Variants in PCED1B observed in about 807,000 individuals in gnomAD.
PCED1B encodes PC-esterase domain-containing protein 1B.
For missense variants in PCED1B, 573 were observed against 573.9 expected (o/e 1.00, Z 0.02); for synonymous variants, 251 against 246.1 (o/e 1.02, Z -0.19).
chr12:47,198,541 C>G (rs1283117233), intron 2 of PCED1B, among the ~76,000 whole-genome samples: 2 of 151,896 alleles, frequency 1.3e-5, no homozygotes, highest in Admixed American at 1.3e-4. Context: ...CAGCATTGTA[C>G]TGGAAGCCCT....
intron 2 of PCED1B, among the ~76,000 whole-genome samples, chr12:47,162,125 G>A (rs190006788): frequency 1.4e-4 from 21 of 151,704 alleles, no homozygotes; most frequent in Non-Finnish European, 2.4e-4. Context: ...GGGTGGTGGG[G>A]GGGGGAAGGA....
chr12:47,087,032 A>G (rs1470710781), intron 1 of PCED1B, among the ~76,000 whole-genome samples: 1 of 152,252 alleles, frequency 6.6e-6, no homozygotes, highest in East Asian at 1.9e-4. Flanking sequence ...TCTCTCCATT[A>G]TACAGTCAGC....
chr12:47,152,971 A>C (rs1941051350), intron 2 of PCED1B, among the ~76,000 whole-genome samples: 1 of 152,120 alleles, frequency 6.6e-6, no homozygotes, highest in Non-Finnish European at 1.5e-5. Flanking sequence ...GCTGACAGTT[A>C]GTAAAAGTTA....
chr12:47,132,416 A>G (rs568907754), intron 2 of PCED1B, among the ~76,000 whole-genome samples: 1 of 152,262 alleles, frequency 6.6e-6, no homozygotes, highest in South Asian at 2.1e-4. Context: ...CTCTGCAACA[A>G]ATACCCCTGT....
At chr12:47,170,189 G>A (rs1941679527) in intron 2 of PCED1B, among the ~76,000 whole-genome samples, 1 of 152,102 alleles carries the variant, frequency 6.6e-6, no homozygotes, top group Admixed American at 6.6e-5. Flanking sequence ...CACAGCACAT[G>A]TTTCAGAGAG....
At chr12:47,215,396 G>A (rs1056026997) in intron 2 of PCED1B, among the ~76,000 whole-genome samples, 1 of 151,954 alleles carries the variant, frequency 6.6e-6, no homozygotes, top group Admixed American at 6.6e-5. Flanking sequence ...TGGGATTACA[G>A]GGGCCCACCA....
chr12:47,095,932 C>T (rs1038336587), intron 1 of PCED1B, among the ~76,000 whole-genome samples: 1 of 151,916 alleles, frequency 6.6e-6, no homozygotes, highest in Non-Finnish European at 1.5e-5. Flanking sequence ...TTTACTCTGT[C>T]TCAGGTACTT....
chr12:47,214,374 T>C (rs1419607074), intron 2 of PCED1B, among the ~76,000 whole-genome samples: 1 of 152,226 alleles, frequency 6.6e-6, no homozygotes, highest in African/African-American at 2.4e-5. Flanking sequence ...GAGCATGTAA[T>C]TCAGGACTGT....
chr12:47,154,241 C>G (rs2137468170), intron 2 of PCED1B, among the ~76,000 whole-genome samples: 1 of 152,268 alleles, frequency 6.6e-6, no homozygotes, highest in South Asian at 2.1e-4. Flanking sequence ...TTTTAAGTTA[C>G]CACAAGTATT....
At chr12:47,184,310 G>C (rs1942187030) in intron 2 of PCED1B, among the ~76,000 whole-genome samples, 2 of 152,178 alleles carry the variant, frequency 1.3e-5, no homozygotes, top group South Asian at 4.1e-4. Flanking sequence ...TGGTGTGCTG[G>C]TAAACGACCA....
intron 3 of PCED1B, among the ~76,000 whole-genome samples, chr12:47,224,703 T>G (rs140243962): frequency 1.9e-4 from 29 of 152,290 alleles, no homozygotes; most frequent in African/African-American, 7.0e-4. Flanking sequence ...ATGGCGTGGT[T>G]TCATGATGCG....
At chr12:47,172,971 A>T (rs563189713) in intron 2 of PCED1B, among the ~76,000 whole-genome samples, 13 of 152,190 alleles carry the variant, frequency 8.5e-5, no homozygotes, top group Non-Finnish European at 1.2e-4. Context: ...TTTTTGAGAG[A>T]CAAGTTGTTG....
At position 47,236,104 on chromosome 12, in the gene PCED1B, T is replaced by G. The variant is rs1592336551; in HGVS notation, c.1041T>G (p.Thr347=). ...ATGCCTGTTTTTCCTCAGACCATAC[T>G]TTCCAGTCGGATCAATTCTATTGCC... ...PPDACFSSDH[T]FQSDQFYCHS... Residue 347 remains threonine (T), a synonymous_variant, in exon 4 of 4, where the codon ACT becomes ACG. Coordinates refer to ENST00000546455, the MANE Select transcript of PCED1B (RefSeq NM_138371.3). The G allele has an allele frequency of 6.2e-7, 1 of 1,614,128 alleles. No individual in the cohort carries two copies. Among genetic ancestry groups the G allele is most frequent in the East Asian group, 2.2e-5 (1 of 44,870 alleles).
chr12:47,207,899 G>T (rs1345792323), intron 2 of PCED1B, among the ~76,000 whole-genome samples: 2 of 152,206 alleles, frequency 1.3e-5, no homozygotes, highest in Admixed American at 6.5e-5. Flanking sequence ...ATGACAGGCA[G>T]AGGTTACAGA....
chr12:47,235,048 G>C lies in PCED1B; in HGVS notation c.-16G>C. 1 of 1,521,382 alleles carries C rather than the reference G, an allele frequency of 6.6e-7. No homozygotes were observed. Among genetic ancestry groups the C allele is most frequent in the Non-Finnish European group, 8.8e-7 (1 of 1,136,632 alleles). The allele number at this position is 1,521,382 out of a possible 1,614,324, so 94.2% of individuals were successfully genotyped here. A position where few individuals can be genotyped will look rare whatever the true frequency, so the allele number is the denominator to read the frequency against. ...CCTGTGCAAAGGAAGGAGCTAGGCT[G>C]TGCGCCCTGGGCGTCATGATCCTTC... On this transcript the variant is annotated 5_prime_UTR_variant, in exon 4 of 4. Transcript: ENST00000546455.
At chr12:47,232,907 T>C (rs1943851899) in intron 3 of PCED1B, among the ~76,000 whole-genome samples, 1 of 77,642 alleles carries the variant, frequency 1.3e-5, no homozygotes. Flanking sequence ...CCTAGAAATT[T>C]TATTTATTTA....
Position 47,235,734 on chromosome 12 carries a change from A to C in PCED1B, c.671A>C (p.Asn224Thr). The change falls in exon 4 of 4, where the codon AAC (asparagine) becomes ACC (threonine). Residue 224 changes from asparagine to threonine, a missense_variant. Asn to Thr is a moderately conservative substitution (Grantham distance 65). Transcript: ENST00000546455. ...LHFHFRHARE[N>T]LHWDGVHWNG... The stretch of plus-strand genomic sequence containing the variant: ...TTCCACTTCCGCCACGCGAGGGAGA[A>C]CCTGCACTGGGACGGGGTGCACTGG... 9.9e-6 allele frequency: 16 copies of C among 1,608,680 alleles called. No individual in the cohort carries two copies. The highest frequency in any genetic ancestry group is 1.4e-5 in the Non-Finnish European group (16 of 1,177,734).
chr12:47,220,068 C>CAAAAA (rs763940625), intron 3 of PCED1B, among the ~76,000 whole-genome samples: 7 of 103,706 alleles, frequency 6.7e-5, no homozygotes, highest in South Asian at 3.1e-4. Flanking sequence ...GACACTGCCT[C>CAAAAA]AAAAAAAAAA....
In PCED1B at chr12:47,198,857, T is replaced by C. The variant is rs557915388; in HGVS notation, c.-525-17365T>C. Among the ~76,000 whole-genome samples the C allele has an allele frequency of 1.1e-4, 16 of 151,772 alleles. No homozygotes were observed. In the South Asian group the frequency reaches 3.1e-3, roughly 29 times the overall value. On this transcript the variant is annotated intron_variant, in intron 2 of 3. Coordinates refer to ENST00000546455, the MANE Select transcript of PCED1B (RefSeq NM_138371.3). The stretch of plus-strand genomic sequence containing the variant: ...TGCACATGCCTGTAATCCCAGCTAC[T>C]TGGGAGACTGAGACAGGATAATCTC...
Sources: gnomAD v4.1 joint callset for allele counts (sites outside exome capture counted in the v4.1 genomes callset) on GRCh38, gnomAD v4.1.1 for gene constraint, MANE v1.5 for transcripts, NCBI Gene and HGNC (gene_info 2026-07-23, HGNC 2026-07-21) for gene names.